ERBB4: variants seen among roughly 807,000 people sequenced by gnomAD.
ERBB4 encodes receptor tyrosine-protein kinase erbB-4.
ERBB4 carries 42 observed loss-of-function variants against 158.0 expected under a neutral mutation model. The observed-to-expected ratio is 0.27, with a 90% confidence interval of 0.21 to 0.34. ERBB4 has a LOEUF of 0.34. Ranked by LOEUF, ERBB4 falls within the 10% of genes least tolerant of loss-of-function variation. The pLI is 1.00. For synonymous variants in ERBB4, 583 were observed against 558.7 expected (o/e 1.04, Z -0.61); for missense variants, 1,333 against 1,624.1 (o/e 0.82, Z 3.08).
At chr2:212,419,738 T>C (rs1427590929) in intron 1 of ERBB4, among the ~76,000 whole-genome samples, 2 of 151,906 alleles carry the variant, frequency 1.3e-5, no homozygotes, top group African/African-American at 4.8e-5. Flanking sequence ...ATATTTTATG[T>C]TTAAGACATC....
intron 20 of ERBB4, among the ~76,000 whole-genome samples, chr2:211,481,525 C>A (rs1403904760): frequency 7.2e-6 from 1 of 139,404 alleles, no homozygotes; most frequent in East Asian, 2.1e-4. Flanking sequence ...GGCTGGAAAT[C>A]TTTTTTTTTT....
At chr2:211,420,954 A>G (rs2063502252) in intron 24 of ERBB4, among the ~76,000 whole-genome samples, 1 of 151,984 alleles carries the variant, frequency 6.6e-6, no homozygotes, top group African/African-American at 2.4e-5. Flanking sequence ...AACTTTAAGA[A>G]TAAACAATAA....
rs201252544 is a variant in ERBB4, at chr2:211,594,450, C to CA, written c.2301+24726dup. On this transcript the variant is annotated intron_variant, in intron 19 of 27. Transcript: ENST00000342788. Reference sequence around the variant, plus strand: ...CAAGACTCCATTTCTACAAAAATAACAAATAAAAAAAAAAAACTAAGCAAT... The same window carrying CA: ...CAAGACTCCATTTCTACAAAAATAACAAAATAAAAAAAAAAAACTAAGCAAT... Among the ~76,000 whole-genome samples the CA allele has an allele frequency of 3.3e-3, 486 of 146,140 alleles. 5 individuals are homozygous for CA. Among genetic ancestry groups the CA allele is most frequent in the African/African-American group, 0.012 (459 of 37,730 alleles).
At chr2:212,269,912 G>A (rs182842637) in intron 1 of ERBB4, among the ~76,000 whole-genome samples, 1 of 151,776 alleles carries the variant, frequency 6.6e-6, no homozygotes, top group Admixed American at 6.6e-5. Flanking sequence ...TAAGTATCAC[G>A]TCAAAGAAAT....
At chr2:212,073,336 C>A (rs543026123) in intron 2 of ERBB4, among the ~76,000 whole-genome samples, 2 of 152,052 alleles carry the variant, frequency 1.3e-5, no homozygotes, top group African/African-American at 4.8e-5. Flanking sequence ...TTCCCAATTA[C>A]TATACAAGGA....
At chr2:211,900,491 G>T (rs1197161294) in intron 3 of ERBB4, among the ~76,000 whole-genome samples, 2 of 151,810 alleles carry the variant, frequency 1.3e-5, no homozygotes, top group African/African-American at 2.4e-5. Flanking sequence ...AAAAAAAAAG[G>T]TTCCTGTTTG....
At chr2:212,130,033 A>G (rs923806332) in intron 1 of ERBB4, among the ~76,000 whole-genome samples, 1 of 152,064 alleles carries the variant, frequency 6.6e-6, no homozygotes, top group Admixed American at 6.6e-5. Flanking sequence ...TCATTTGTCA[A>G]TTGATTTTAC....
At chr2:212,525,753 G>A (rs532114469) in intron 1 of ERBB4, among the ~76,000 whole-genome samples, 2 of 152,010 alleles carry the variant, frequency 1.3e-5, no homozygotes, top group South Asian at 4.1e-4. Flanking sequence ...AGTTTTGTTT[G>A]TTTTGTTTTA....
intron 1 of ERBB4, among the ~76,000 whole-genome samples, chr2:212,380,838 A>G (rs1248777923): frequency 6.6e-6 from 1 of 151,194 alleles, no homozygotes; most frequent in Non-Finnish European, 1.5e-5. Context: ...AATCAAGTAT[A>G]TTGTATTTAC....
intron 2 of ERBB4, among the ~76,000 whole-genome samples, chr2:212,057,213 T>G (rs2077606389): frequency 2.0e-5 from 3 of 152,294 alleles, no homozygotes; most frequent in Admixed American, 6.5e-5. Flanking sequence ...AGGGATCAAT[T>G]CAACAAGAAG....
At chr2:211,968,658 T>A (rs1019008688) in intron 2 of ERBB4, among the ~76,000 whole-genome samples, 2 of 152,042 alleles carry the variant, frequency 1.3e-5, no homozygotes, top group African/African-American at 4.8e-5. Flanking sequence ...TTGGCTTGGA[T>A]AAAGTCATAA....
At chr2:212,505,345 C>T (rs2106256470) in intron 1 of ERBB4, among the ~76,000 whole-genome samples, 1 of 152,270 alleles carries the variant, frequency 6.6e-6, no homozygotes, top group African/African-American at 2.4e-5. Flanking sequence ...GATCCATCCC[C>T]ATCGGCCTCC....
intron 19 of ERBB4, among the ~76,000 whole-genome samples, chr2:211,591,409 G>A (rs1407530338): frequency 1.3e-5 from 2 of 152,104 alleles, no homozygotes; most frequent in Non-Finnish European, 2.9e-5. Flanking sequence ...TTTCCAGACA[G>A]GCTTTTTGAA....
intron 20 of ERBB4, among the ~76,000 whole-genome samples, chr2:211,468,424 G>A (rs958992771): frequency 2.0e-5 from 3 of 152,260 alleles, no homozygotes; most frequent in East Asian, 1.9e-4. Context: ...TGACTGTCAC[G>A]TGTGACACAC....
intron 1 of ERBB4, among the ~76,000 whole-genome samples, chr2:212,347,544 A>C (rs1164752909): frequency 6.6e-6 from 1 of 152,122 alleles, no homozygotes; most frequent in Admixed American, 6.6e-5. Context: ...GATCTGAAGA[A>C]CTAATCCAGG....
intron 1 of ERBB4, among the ~76,000 whole-genome samples, chr2:212,468,605 C>A (rs946630785): frequency 1.3e-5 from 2 of 152,158 alleles, no homozygotes; most frequent in Non-Finnish European, 2.9e-5. Flanking sequence ...TGTAAATTGT[C>A]CCGTCTCAGG....
chr2:212,245,535 G>A (rs1438490737), intron 1 of ERBB4, among the ~76,000 whole-genome samples: 1 of 152,122 alleles, frequency 6.6e-6, no homozygotes, highest in Non-Finnish European at 1.5e-5. Context: ...CATATTGTCA[G>A]TGAAATCTTC....
chr2:211,936,058 G>C (rs1424584928), intron 3 of ERBB4, among the ~76,000 whole-genome samples: 1 of 151,994 alleles, frequency 6.6e-6, no homozygotes, highest in Non-Finnish European at 1.5e-5. Flanking sequence ...TTTAAAACTA[G>C]TAGAATTTAT....
chr2:211,524,526 G>GGAAGGCAGCTAAGGCCCAGTGA (rs2066285044), intron 20 of ERBB4, among the ~76,000 whole-genome samples: 1 of 152,068 alleles, frequency 6.6e-6, no homozygotes, highest in Non-Finnish European at 1.5e-5. Flanking sequence ...CTGCCCCGTG[G>GGAAGGCAGCTAAGGCCCAGTGA]GAAGGCAGCT....
Sources: gnomAD v4.1 joint callset for allele counts (sites outside exome capture counted in the v4.1 genomes callset) on GRCh38, gnomAD v4.1.1 for gene constraint, MANE v1.5 for transcripts, NCBI Gene and HGNC (gene_info 2026-07-23, HGNC 2026-07-21) for gene names.